The following PDHX variants were observed in gnomAD, a reference collection of about 807,000 sequenced individuals.
The protein encoded by PDHX is pyruvate dehydrogenase protein X component, mitochondrial.
A neutral mutation model predicts 55.3 loss-of-function variants in PDHX; 33 were observed. The observed-to-expected ratio is 0.60, with a 90% CI of 0.45 to 0.80. PDHX has a LOEUF of 0.80. Ranked by LOEUF, PDHX falls within the 30% of genes least tolerant of loss-of-function variation. PDHX has a pLI of 0.00. For synonymous variants in PDHX, 226 were observed against 219.4 expected (o/e 1.03, Z -0.27); for missense variants, 622 against 619.9 (o/e 1.00, Z -0.04).
At chr11:34,956,939 G>A (rs1001546159) in intron 3 of PDHX, among the ~76,000 whole-genome samples, 1 of 152,212 alleles carries the variant, frequency 6.6e-6, no homozygotes, top group African/African-American at 2.4e-5. Flanking sequence ...GTAAATTTTA[G>A]TAGATTGGAC....
intron 1 of PDHX, among the ~76,000 whole-genome samples, chr11:34,927,955 G>A (rs12283472): frequency 0.084 from 12,748 of 152,072 alleles, 567 homozygotes; most frequent in African/African-American, 0.096. Context: ...GGTGACTAAG[G>A]AACGATTATG....
chr11:34,916,498 G>T, upstream of PDHX: 3 of 1,459,332 alleles, frequency 2.1e-6, no homozygotes, highest in Non-Finnish European at 2.7e-6. Context: ...CAAGGCCAAC[G>T]TGGTTGGAGG....
At chr11:34,932,032 A>G (rs375701731) in intron 2 of PDHX, among the ~76,000 whole-genome samples, 185 of 152,310 alleles carry the variant, frequency 1.2e-3, no homozygotes, top group African/African-American at 4.2e-3. Flanking sequence ...AGACCAGTGC[A>G]GCTGAGTAGA....
chr11:34,982,051 G>A (rs1053877400), intron 8 of PDHX, among the ~76,000 whole-genome samples: 2 of 152,132 alleles, frequency 1.3e-5, no homozygotes, highest in Non-Finnish European at 2.9e-5. Flanking sequence ...ATTGCTTTTG[G>A]TGTTTTAGAC....
intron 1 of PDHX, among the ~76,000 whole-genome samples, chr11:34,919,063 A>AT (rs1853811521): frequency 1.3e-5 from 2 of 152,166 alleles, no homozygotes; most frequent in Admixed American, 6.5e-5. Flanking sequence ...CAGCATATTC[A>AT]TAGGTTCTGG....
intron 9 of PDHX, among the ~76,000 whole-genome samples, chr11:34,988,462 A>G (rs891175613): frequency 7.3e-5 from 11 of 150,598 alleles, no homozygotes; most frequent in African/African-American, 2.7e-4. Flanking sequence ...CCTCCCAACC[A>G]CTCAGCTTTG....
intron 3 of PDHX, 125 bp downstream of exon 3, chr11:34,947,731 A>G (rs1274508403): frequency 4.3e-6 from 3 of 695,404 alleles, no homozygotes; most frequent in Non-Finnish European, 5.2e-6. Context: ...TACATAATAC[A>G]TTTTTAGTTC....
chr11:34,938,188 G>C (rs1329985438), intron 2 of PDHX, among the ~76,000 whole-genome samples: 1 of 152,178 alleles, frequency 6.6e-6, no homozygotes, highest in Non-Finnish European at 1.5e-5. Context: ...GTAGCACATA[G>C]AGACAGCACT....
intron 5 of PDHX, among the ~76,000 whole-genome samples, chr11:34,961,352 G>A (rs1855018185): frequency 6.6e-6 from 1 of 152,116 alleles, no homozygotes; most frequent in African/African-American, 2.4e-5. Context: ...GTCTAGTAGG[G>A]TAGACAAAGA....
At chr11:34,954,992 A>G (rs777520926) in intron 3 of PDHX, among the ~76,000 whole-genome samples, 4 of 152,352 alleles carry the variant, frequency 2.6e-5, no homozygotes, top group Admixed American at 6.5e-5. Flanking sequence ...GATAGACTCA[A>G]CATTCAATAT....
chr11:34,929,376 G>A (rs537137221), intron 1 of PDHX, among the ~76,000 whole-genome samples: 6 of 152,238 alleles, frequency 3.9e-5, no homozygotes, highest in South Asian at 2.1e-4. Context: ...GATTACAGGC[G>A]TGTGCCATCA....
chr11:34,919,195 C>T (rs925235500), intron 1 of PDHX, among the ~76,000 whole-genome samples: 1 of 152,166 alleles, frequency 6.6e-6, no homozygotes, highest in Non-Finnish European at 1.5e-5. Flanking sequence ...AAAATATATC[C>T]GCTTCTGACT....
intron 7 of PDHX, 120 bp from the exon 8 acceptor site, chr11:34,978,004 C>A: frequency 1.5e-6 from 1 of 673,776 alleles, no homozygotes; most frequent in Non-Finnish European, 2.7e-6. Flanking sequence ...CAAACAAAAG[C>A]TTGTAATTTT....
At chr11:34,978,660 G>A (rs906145104) in intron 8 of PDHX, among the ~76,000 whole-genome samples, 1 of 152,076 alleles carries the variant, frequency 6.6e-6, no homozygotes, top group African/African-American at 2.4e-5. Flanking sequence ...TGGTAAAAGT[G>A]CATTCCACAC....
At chr11:34,937,053 G>A (rs563777640) in intron 2 of PDHX, among the ~76,000 whole-genome samples, 1 of 151,974 alleles carries the variant, frequency 6.6e-6, no homozygotes, top group African/African-American at 2.4e-5. Context: ...CAAAGTGCCG[G>A]GATTATAGGC....
chr11:34,979,718 T>A (rs1034039692), intron 8 of PDHX, among the ~76,000 whole-genome samples: 2 of 152,158 alleles, frequency 1.3e-5, no homozygotes, highest in Non-Finnish European at 1.5e-5. Context: ...TTGTGAATCA[T>A]TTTTGCACTC....
At chr11:34,925,991 G>C (rs529437437) in intron 1 of PDHX, among the ~76,000 whole-genome samples, 1 of 152,104 alleles carries the variant, frequency 6.6e-6, no homozygotes, top group Non-Finnish European at 1.5e-5. Context: ...TTGCTTATGG[G>C]TTATCTTTTT....
intron 2 of PDHX, among the ~76,000 whole-genome samples, chr11:34,932,899 A>G (rs768354248): frequency 1.3e-5 from 2 of 152,222 alleles, no homozygotes; most frequent in Non-Finnish European, 2.9e-5. Context: ...ACCTGTAAAA[A>G]GGAATGAGGA....
At chr11:34,957,646 T>C in intron 4 of PDHX, 63 bp downstream of exon 4, 1 of 1,275,224 alleles carries the variant, frequency 7.8e-7, no homozygotes, top group South Asian at 1.2e-5. Context: ...TCTTATGGAA[T>C]TGTAATCATT....
Sources: allele counts gnomAD v4.1 joint callset (sites outside exome capture counted in the v4.1 genomes callset), GRCh38; gene constraint gnomAD v4.1.1; transcripts MANE v1.5; gene names NCBI Gene and HGNC (gene_info 2026-07-23, HGNC 2026-07-21).